Variants in CNTLN observed in about 807,000 individuals in gnomAD.
CNTLN encodes centlein, also known as centlein, centrosomal protein.
A neutral mutation model predicts 180.0 loss-of-function variants in CNTLN; 212 were observed. That is an observed-to-expected ratio of 1.18 (90% CI 1.05 to 1.32). The LOEUF (loss-of-function observed/expected upper bound fraction) is 1.32. Ranked by LOEUF, CNTLN falls within the 40% of genes most tolerant of loss-of-function variation. The pLI, the probability that CNTLN is intolerant of heterozygous loss-of-function variation, is 0.00. For missense variants in CNTLN, 2,095 were observed against 1,610.9 expected (o/e 1.30, Z -5.14); for synonymous variants, 722 against 563.1 (o/e 1.28, Z -3.99).
intron 2 of CNTLN, among the ~76,000 whole-genome samples, chr9:17,213,181 C>A (rs1435577230): frequency 1.3e-5 from 2 of 152,088 alleles, no homozygotes; most frequent in Admixed American, 6.5e-5. Flanking sequence ...GTGCTTTCTC[C>A]TGTGGACATT....
intron 6 of CNTLN, among the ~76,000 whole-genome samples, chr9:17,274,499 A>T (rs201327988): frequency 0.018 from 2,568 of 144,092 alleles, 43 homozygotes; most frequent in South Asian, 0.085. Flanking sequence ...CTATCTATCT[A>T]TCTATGTATC....
intron 18 of CNTLN, among the ~76,000 whole-genome samples, chr9:17,421,380 A>C (rs1352230754): frequency 1.3e-5 from 2 of 152,082 alleles, no homozygotes; most frequent in Non-Finnish European, 2.9e-5. Flanking sequence ...TGATATAAGT[A>C]TAGCTAGTCA....
At chr9:17,490,988 T>G (rs1833132091) in intron 25 of CNTLN, among the ~76,000 whole-genome samples, 1 of 152,040 alleles carries the variant, frequency 6.6e-6, no homozygotes, top group Non-Finnish European at 1.5e-5. Context: ...TGTACTACCT[T>G]TATATTCTAA....
intron 2 of CNTLN, among the ~76,000 whole-genome samples, chr9:17,217,639 C>G (rs1259157794): frequency 6.6e-6 from 1 of 152,196 alleles, no homozygotes; most frequent in Non-Finnish European, 1.5e-5. Flanking sequence ...CTGGAAGAAA[C>G]TTCTAGATTC....
chr9:17,520,902 T>C, the CNTLN span, among the ~76,000 whole-genome samples: 1 of 152,224 alleles, frequency 6.6e-6, no homozygotes, highest in Non-Finnish European at 1.5e-5. Context: ...TTGAGTAGCC[T>C]ATTTTGTCTT....
intron 12 of CNTLN, among the ~76,000 whole-genome samples, chr9:17,357,884 G>C (rs964302758): frequency 6.6e-6 from 1 of 151,786 alleles, no homozygotes; most frequent in African/African-American, 2.4e-5. Context: ...CAAAGGGTTT[G>C]TTTAGTCTGG....
chr9:17,295,987 AGAGAGAGAGAGTGTGTGTGTGTGTGTGT>A (rs1460659160), intron 6 of CNTLN, among the ~76,000 whole-genome samples: 6,866 of 123,884 alleles, frequency 0.055, 418 homozygotes, highest in African/African-American at 0.18. Flanking sequence ...AGAGAGAGAG[AGAGAGAGAGAGTGTGTGTGTGTGTGTGT>A]GTGTGTGTGT....
intron 7 of CNTLN, among the ~76,000 whole-genome samples, chr9:17,306,290 C>T (rs1012806407): frequency 1.3e-5 from 2 of 151,840 alleles, no homozygotes; most frequent in Non-Finnish European, 2.9e-5. Flanking sequence ...GCTGGGATTA[C>T]AGGCGTGTGC....
At chr9:17,370,333 T>A (rs1346268615) in intron 13 of CNTLN, among the ~76,000 whole-genome samples, 1 of 152,062 alleles carries the variant, frequency 6.6e-6, no homozygotes, top group East Asian at 1.9e-4. Flanking sequence ...TAACATACAA[T>A]GGAGCTTCAA....
chr9:17,362,486 T>C (rs1281349080), intron 12 of CNTLN, among the ~76,000 whole-genome samples: 3 of 145,196 alleles, frequency 2.1e-5, no homozygotes, highest in Non-Finnish European at 4.5e-5. Flanking sequence ...AAAATGAGAG[T>C]ATACATATCA....
At chr9:17,391,058 C>T (rs185986334) in intron 14 of CNTLN, among the ~76,000 whole-genome samples, 13 of 152,216 alleles carry the variant, frequency 8.5e-5, no homozygotes, top group African/African-American at 2.6e-4. Context: ...TGCCACAGGA[C>T]GCTTCAAAAA....
chr9:17,177,573 T>C (rs1820802097), intron 2 of CNTLN, among the ~76,000 whole-genome samples: 1 of 152,250 alleles, frequency 6.6e-6, no homozygotes, highest in Non-Finnish European at 1.5e-5. Context: ...TGGTCGGATA[T>C]GTTCGGAGTT....
At position 17,135,247 on chromosome 9, in the gene CNTLN, A is replaced by G. The variant is rs766102520; in HGVS notation, c.182A>G (p.Glu61Gly). Residue 61 changes from glutamate (E) to glycine (G), a missense_variant, in exon 1 of 26, where the codon GAA becomes GGA. Transcript: ENST00000380647. Reference protein sequence around the residue: ...DESDKIWVGEEGSGGRRGPGG... With the variant: ...DESDKIWVGEGGSGGRRGPGG... Reference sequence around the variant, plus strand: ...AGTGATAAAATCTGGGTGGGTGAAGAAGGGTCAGGGGGCCGGCGAGGGCCT... The same window carrying G: ...AGTGATAAAATCTGGGTGGGTGAAGGAGGGTCAGGGGGCCGGCGAGGGCCT... 1 of 1,607,288 alleles carries G rather than the reference A, an allele frequency of 6.2e-7. No homozygotes were observed. Among genetic ancestry groups the G allele is most frequent in the Admixed American group, 1.7e-5 (1 of 59,112 alleles).
chr9:17,505,326 C>G (rs976077628), downstream of CNTLN, among the ~76,000 whole-genome samples: 2 of 151,766 alleles, frequency 1.3e-5, no homozygotes, highest in African/African-American at 4.8e-5. Flanking sequence ...TCTAGCCAGC[C>G]TAATAAGGCA....
chr9:17,291,276 T>C (rs558594163), intron 6 of CNTLN, among the ~76,000 whole-genome samples: 1 of 152,316 alleles, frequency 6.6e-6, no homozygotes, highest in East Asian at 1.9e-4. Flanking sequence ...GAAGAATATA[T>C]ATTCCATTGT....
At chr9:17,335,393 T>C (rs1451909726) in intron 10 of CNTLN, among the ~76,000 whole-genome samples, 2 of 152,120 alleles carry the variant, frequency 1.3e-5, no homozygotes, top group Non-Finnish European at 2.9e-5. Context: ...GGTGCATGCC[T>C]CTAATCCCAG....
At chr9:17,221,089 C>T (rs928381862) in intron 2 of CNTLN, among the ~76,000 whole-genome samples, 1 of 152,008 alleles carries the variant, frequency 6.6e-6, no homozygotes. Flanking sequence ...TGGGTAAATC[C>T]TATAATGCCC....
chr9:17,377,297 G>A (rs1412665174), intron 13 of CNTLN, among the ~76,000 whole-genome samples: 1 of 152,106 alleles, frequency 6.6e-6, no homozygotes, highest in African/African-American at 2.4e-5. Flanking sequence ...TGTAATCCTA[G>A]CACTTTGCAG....
chr9:17,217,858 GGTTTT>G (rs1396943661), intron 2 of CNTLN, among the ~76,000 whole-genome samples: 1 of 152,076 alleles, frequency 6.6e-6, no homozygotes, highest in African/African-American at 2.4e-5. Context: ...AACAGAAAAA[GGTTTT>G]GTTTTGAGTT....
Sources: gnomAD v4.1 joint callset for allele counts (sites outside exome capture counted in the v4.1 genomes callset) on GRCh38, gnomAD v4.1.1 for gene constraint, MANE v1.5 for transcripts, NCBI Gene and HGNC (gene_info 2026-07-23, HGNC 2026-07-21) for gene names.